NUMA1: variants seen among roughly 807,000 people sequenced by gnomAD.
NUMA1 encodes SP-H antigen.
A neutral mutation model predicts 237.1 loss-of-function variants in NUMA1; 62 were observed. The ratio of observed to expected loss-of-function variants is 0.26; its 90% CI spans 0.21 to 0.32. The LOEUF (loss-of-function observed/expected upper bound fraction) is 0.32. NUMA1 is among the 10% of genes least tolerant of loss of function. NUMA1 has a pLI of 1.00. For missense variants in NUMA1, 2,533 were observed against 2,666.5 expected, an observed-to-expected ratio of 0.95 and a Z score of 1.10; for synonymous variants, 1,028 against 1,066.1, an observed-to-expected ratio of 0.96 and a Z score of 0.70.
Position 72,005,356 on chromosome 11 carries a change from G to A in NUMA1, c.5706C>T (p.Phe1902=). ...SSGAPPGRNS[F]YMGTCQDEPE... ...GCTCATCCTGGCAAGTGCCCATGTA[G>A]AAGCTGTTCCTTCCTGTGGAAGGCA... The change falls in exon 23 of 27, where the codon TTC becomes TTT. Residue 1902 remains phenylalanine, a synonymous_variant. Coordinates refer to ENST00000393695, the MANE Select transcript of NUMA1 (RefSeq NM_006185.4). 1 of 1,607,792 alleles carries A rather than the reference G, an allele frequency of 6.2e-7. No individual in the cohort carries two copies. Among genetic ancestry groups the A allele is most frequent in the Non-Finnish European group, 8.5e-7 (1 of 1,177,316 alleles).
rs543884077 is a variant in NUMA1 at position 72,024,791 on chromosome 11, C to T, written c.129-438G>A. The T allele has an allele frequency of 1.0e-4, 17 of 164,744 alleles. No homozygotes were observed. In the South Asian group the frequency reaches 2.4e-3, roughly 24 times the overall value. 10.2% of individuals were successfully genotyped at this position (164,744 alleles called of 1,614,324 possible). On this transcript the variant is annotated intron_variant, in intron 4 of 26. Coordinates refer to ENST00000393695, the MANE Select transcript of NUMA1 (RefSeq NM_006185.4). ...GAAAAACATCCAAGAACTGAAAGAA[C>T]AGGAGGAAACAAGGCTCTGAAGTGA...
rs141508454 is a variant in NUMA1 at position 72,015,101 on chromosome 11, C to T, written c.2402G>A (p.Ser801Asn). 1.6e-4 allele frequency: 266 copies of T among 1,613,744 alleles called. 1 individual carries two copies. Among genetic ancestry groups the T allele is most frequent in the Non-Finnish European group, 2.2e-4 (257 of 1,180,054 alleles). ...EAMAAQHTAE[S>N]ECEQLVKEVA... ...TTCTTTGACGAGCTGCTCACACTCA[C>T]TCTCAGCTGTGTGCTGGGCAGCCAT... The change falls in exon 15 of 27, where the codon AGT becomes AAT. Residue 801 changes from serine to asparagine, a missense_variant. Around this residue, in one of 3 missense-constraint regions of NUMA1, gnomAD observed 1,414 missense variants for 1,508.1 expected, o/e 0.94. Coordinates refer to ENST00000393695, the MANE Select transcript of NUMA1 (RefSeq NM_006185.4). This position sits in a 1 kb window ranked among gnomAD's most constrained non-coding sequence, Gnocchi z 4.0.
intron 3 of NUMA1, 114 bp downstream of exon 3, chr11:72,035,784 CTATT>C (rs954047480): frequency 3.3e-6 from 3 of 908,620 alleles, no homozygotes; most frequent in African/African-American, 3.3e-5. Context: ...TAAAGGAAAA[CTATT>C]TAGTCTAGAA....
intron 2 of NUMA1, among the ~76,000 whole-genome samples, chr11:72,037,741 A>G (rs926652829): frequency 1.3e-5 from 2 of 152,236 alleles, no homozygotes; most frequent in Non-Finnish European, 2.9e-5. Flanking sequence ...TCATACCAGC[A>G]TCAGTCTTGG....
chr11:72,030,502 AAT>A (rs1940164640), intron 3 of NUMA1, among the ~76,000 whole-genome samples: 1 of 152,172 alleles, frequency 6.6e-6, no homozygotes, highest in Non-Finnish European at 1.5e-5. Context: ...TTACCACTAG[AAT>A]ATTCACCAGG....
At position 72,013,241 on chromosome 11, in the gene NUMA1, C is replaced by T. The variant is rs757737587; in HGVS notation, c.4262G>A (p.Arg1421Gln). The T allele has an allele frequency of 4.4e-6, 7 of 1,606,562 alleles. No homozygotes were observed. Among genetic ancestry groups the T allele is most frequent in the African/African-American group, 1.3e-5 (1 of 75,054 alleles). ...PLRQKVAEQE[R>Q]TAQQLRAEKA... ...CTCTGCCCGCAGCTGCTGAGCTGTT[C>T]GCTCCTGCTCTGCCACCTTCTGCCG... Residue 1421 changes from arginine (R) to glutamine (Q), a missense_variant, in exon 15 of 27, where the codon CGA becomes CAA. Arg to Gln is a conservative substitution (Grantham distance 43). Transcript: ENST00000393695. This position sits in a 1 kb window ranked among gnomAD's most constrained non-coding sequence, Gnocchi z 6.8.
intron 1 of NUMA1, among the ~76,000 whole-genome samples, chr11:72,073,971 C>T (rs1211496701): frequency 1.3e-5 from 2 of 152,048 alleles, no homozygotes; most frequent in Non-Finnish European, 2.9e-5. Flanking sequence ...GCAGGTGGAT[C>T]ACCTGAGGTC....
At chr11:72,012,202 G>C in intron 16 of NUMA1, 199 bp downstream of exon 16, 1 of 568,540 alleles carries the variant, frequency 1.8e-6, no homozygotes, top group Non-Finnish European at 3.1e-6. Context: ...GGCCGACCTG[G>C]GATGGGTGGG....
At chr11:72,042,049 G>A (rs1243909871) in intron 2 of NUMA1, 1 of 152,296 alleles carries the variant, frequency 6.6e-6, no homozygotes, top group East Asian at 1.9e-4. Flanking sequence ...GCCAAGGCAC[G>A]AGACCGAGTA....
chr11:72,026,807 G>C (rs532277274), intron 4 of NUMA1, among the ~76,000 whole-genome samples: 65 of 152,308 alleles, frequency 4.3e-4, no homozygotes, highest in African/African-American at 1.5e-3. Flanking sequence ...GGCACCAGTA[G>C]CGGTATCAGA....
Position 72,009,539 on chromosome 11 carries a change from C to T in NUMA1, c.4720-152G>A, listed in dbSNP as rs900457756. 13 of 1,057,256 alleles carry T rather than the reference C, an allele frequency of 1.2e-5. No homozygotes were observed. The African/African-American group carries it at 1.3e-4, about 10-fold the overall frequency. The allele number at this position is 1,057,256 out of a possible 1,614,324, so 65.5% of individuals were successfully genotyped here. A position where few individuals can be genotyped will look rare whatever the true frequency, so the allele number is the denominator to read the frequency against. ...CACACCACCCCAAATACTCTCTGCCCGACTACAGTCTACTAAACCTGAAGC... is the reference window on the plus strand; with the variant it reads ...CACACCACCCCAAATACTCTCTGCCTGACTACAGTCTACTAAACCTGAAGC... On this transcript the variant is annotated intron_variant, in intron 17 of 26. Transcript: ENST00000393695.
In NUMA1 at chr11:72,003,940, C is replaced by T. The variant is rs1193211490; in HGVS notation, c.6283G>A (p.Ala2095Thr). 3.7e-6 allele frequency: 6 copies of T among 1,613,420 alleles called. No homozygotes were observed. The highest frequency in any genetic ancestry group is 1.7e-4 in the Middle Eastern group (1 of 6,044). ...RRSPRIATTT[A>T]SAATAAAIGA... ...ATGGCGGCAGCAGTGGCGGCGCTGG[C>T]TGTGGTGGTGGCAATGCGCGGAGAA... Residue 2095 changes from alanine (A) to threonine (T), a missense_variant, in exon 26 of 27, where the codon GCC becomes ACC. Physicochemically the swap from Ala to Thr is moderately conservative, Grantham distance 58. This residue lies in a region of NUMA1 where 795 missense variants were observed against 750.8 expected (regional missense o/e 1.06). Coordinates refer to ENST00000393695, the MANE Select transcript of NUMA1 (RefSeq NM_006185.4).
At chr11:72,021,562 A>C (rs138658440) in intron 7 of NUMA1, among the ~76,000 whole-genome samples, 19 of 152,328 alleles carry the variant, frequency 1.2e-4, no homozygotes, top group African/African-American at 3.6e-4. Context: ...CCTGACCACA[A>C]GTGAAGTGAC....
chr11:72,025,492 A>G (rs917928302), intron 4 of NUMA1, among the ~76,000 whole-genome samples: 1 of 152,158 alleles, frequency 6.6e-6, no homozygotes, highest in Non-Finnish European at 1.5e-5. Flanking sequence ...TAGTGGGGGA[A>G]CTTCGCTGGA....
At position 72,015,935 on chromosome 11, in the gene NUMA1, C is replaced by A; in HGVS notation, c.1568G>T (p.Gly523Val). The change falls in exon 15 of 27, where the codon GGC becomes GTC. Residue 523 changes from glycine to valine, a missense_variant. Transcript: ENST00000393695. This position sits in a 1 kb window ranked among gnomAD's most constrained non-coding sequence, Gnocchi z 4.0. Reference sequence around the variant, plus strand: ...CTTCTCTTTGGCCTGCTGCTTCAGGCCAGCCAGTTCTTGATCCTGTTGCTG... The same window carrying A: ...CTTCTCTTTGGCCTGCTGCTTCAGGACAGCCAGTTCTTGATCCTGTTGCTG... Reference protein sequence around the residue: ...TIQQQDQELAGLKQQAKEKQA... With the variant: ...TIQQQDQELAVLKQQAKEKQA... The A allele has an allele frequency of 6.2e-7, 1 of 1,614,148 alleles. No homozygotes were observed. Among genetic ancestry groups the A allele is most frequent in the Non-Finnish European group, 8.5e-7 (1 of 1,180,030 alleles).
chr11:72,057,436 A>G (rs1377695602), intron 2 of NUMA1, among the ~76,000 whole-genome samples: 1 of 152,236 alleles, frequency 6.6e-6, no homozygotes, highest in Non-Finnish European at 1.5e-5. Context: ...AAAAATAATA[A>G]AAGTTAACCT....
At chr11:72,007,914 A>T (rs1465300288) in intron 20 of NUMA1, 5 of 355,278 alleles carry the variant, frequency 1.4e-5, no homozygotes. Context: ...GGTCTGCTTC[A>T]TCTCCTCTCA....
Position 72,013,077 on chromosome 11 carries a change from A to G in NUMA1, c.4426T>C (p.Tyr1476His), listed in dbSNP as rs764123327. Residue 1476 changes from tyrosine (Y) to histidine (H), a missense_variant, in exon 15 of 27, where the codon TAT (tyrosine) becomes CAT (histidine). This residue lies in a region of NUMA1 where 324 missense variants were observed against 407.6 expected (regional missense o/e 0.79). Coordinates refer to ENST00000393695, the MANE Select transcript of NUMA1 (RefSeq NM_006185.4). This position sits in a 1 kb window ranked among gnomAD's most constrained non-coding sequence, Gnocchi z 6.8. ...EVELDQAREK[Y>H]VQELAAVRAD... is the part of the protein sequence containing the mutation. Reference sequence around the variant, plus strand: ...CGTACGGCTGCCAACTCTTGGACATACTTCTCCCGGGCCTGGTCCAACTCC... The same window carrying G: ...CGTACGGCTGCCAACTCTTGGACATGCTTCTCCCGGGCCTGGTCCAACTCC... The G allele has an allele frequency of 8.7e-6, 14 of 1,613,868 alleles. No homozygotes were observed. Among genetic ancestry groups the G allele is most frequent in the East Asian group, 2.2e-5 (1 of 44,890 alleles).
intron 15 of NUMA1, 67 bp from the exon 16 acceptor site, chr11:72,012,509 C>A: frequency 6.9e-7 from 1 of 1,459,486 alleles, no homozygotes; most frequent in Non-Finnish European, 9.6e-7. Flanking sequence ...GCCCTGCTGC[C>A]AGGCTGACCT....
Sources: allele counts gnomAD v4.1 joint callset (sites outside exome capture counted in the v4.1 genomes callset), GRCh38; gene constraint gnomAD v4.1.1; regional missense constraint gnomAD v4.1.1; non-coding constraint Gnocchi (gnomAD v3.1); transcripts MANE v1.5; gene names NCBI Gene and HGNC (gene_info 2026-07-23, HGNC 2026-07-21).